Variants in FAF1 observed in about 807,000 individuals in gnomAD.
FAF1 encodes the protein Fas associated factor 1.
Under a neutral mutation model 92.5 loss-of-function variants are expected in FAF1, and 25 were observed. The ratio of observed to expected loss-of-function variants is 0.27; its 90% confidence interval spans 0.20 to 0.38. The LOEUF (loss-of-function observed/expected upper bound fraction) is 0.38. Ranked by LOEUF, FAF1 falls within the 10% of genes least tolerant of loss-of-function variation. The probability of loss-of-function intolerance (pLI) is 1.00; values close to 1 mark genes in which losing one functional copy is unlikely to be tolerated. For missense variants in FAF1, 636 were observed against 793.3 expected, an observed-to-expected ratio of 0.80 and a Z score of 2.38; for synonymous variants, 234 against 273.2, an observed-to-expected ratio of 0.86 and a Z score of 1.42.
chr1:50,499,370 T>G (rs1158519936), intron 15 of FAF1, among the ~76,000 whole-genome samples: 1 of 151,744 alleles, frequency 6.6e-6, no homozygotes, highest in Non-Finnish European at 1.5e-5. Flanking sequence ...AGGGTTTTTT[T>G]TTTTTTTTTT....
At chr1:50,939,419 T>G (rs1375260027) in intron 1 of FAF1, among the ~76,000 whole-genome samples, 1 of 152,234 alleles carries the variant, frequency 6.6e-6, no homozygotes, top group East Asian at 1.9e-4. Flanking sequence ...TGATTTTATA[T>G]CCTGAAACCT....
intron 1 of FAF1, among the ~76,000 whole-genome samples, chr1:50,862,001 G>A (rs1644439008): frequency 6.6e-6 from 1 of 151,516 alleles, no homozygotes; most frequent in Non-Finnish European, 1.5e-5. Context: ...TTGTTATGAT[G>A]GACAAATAGA....
intron 18 of FAF1, among the ~76,000 whole-genome samples, chr1:50,453,310 ATAT>A (rs1416563128): frequency 6.6e-6 from 1 of 152,216 alleles, no homozygotes; most frequent in African/African-American, 2.4e-5. Flanking sequence ...ATGAATTTTA[ATAT>A]CCAAGCAGGG....
intron 7 of FAF1, 148 bp from the exon 8 acceptor site, chr1:50,655,676 T>C: frequency 1.8e-6 from 1 of 542,990 alleles, no homozygotes; most frequent in African/African-American, 2.0e-5. Context: ...AGTCAAAAAA[T>C]TTTGTAAAAA....
intron 5 of FAF1, among the ~76,000 whole-genome samples, chr1:50,741,775 A>C (rs1569866570): frequency 1.3e-5 from 2 of 152,214 alleles, no homozygotes; most frequent in African/African-American, 4.8e-5. Flanking sequence ...CAGTGGCTAT[A>C]ATCATTGTGC....
intron 9 of FAF1, among the ~76,000 whole-genome samples, chr1:50,590,263 G>A (rs1007912652): frequency 5.3e-5 from 8 of 152,114 alleles, no homozygotes; most frequent in South Asian, 2.1e-4. Flanking sequence ...ACAATATTAC[G>A]CCTTCCAACC....
chr1:50,937,347 GA>G (rs1359506018), intron 1 of FAF1, among the ~76,000 whole-genome samples: 1 of 152,068 alleles, frequency 6.6e-6, no homozygotes, highest in East Asian at 1.9e-4. Context: ...GTGGTGGAAA[GA>G]ACTGAAAAAT....
chr1:50,840,631 A>G (rs1436932930), intron 2 of FAF1, among the ~76,000 whole-genome samples: 1 of 152,042 alleles, frequency 6.6e-6, no homozygotes, highest in Non-Finnish European at 1.5e-5. Flanking sequence ...TATAAACACT[A>G]TAACTAATAA....
rs1646699177 is a variant in FAF1, at chr1:50,481,133, A to T, written c.1654-5454T>A. Among the ~76,000 whole-genome samples the T allele has an allele frequency of 2.0e-5, 3 of 152,212 alleles. No individual in the cohort carries two copies. The South Asian group carries it at 6.2e-4, about 32-fold the overall frequency. ...GCTATTACAAAATAATCAGAAAGTT[A>T]AAAAAATTAAGTTTACATAAAGTAA... is the stretch of plus-strand genomic sequence containing the variant. On this transcript the variant is annotated intron_variant, in intron 17 of 18. Coordinates refer to ENST00000396153, the MANE Select transcript of FAF1 (RefSeq NM_007051.3).
chr1:50,877,608 A>T lies in FAF1; in HGVS notation c.46-19611T>A, dbSNP rs1644581534. On this transcript the variant is annotated intron_variant, in intron 1 of 18. Transcript: ENST00000396153. ...TATAAATATGTGATGTTTATAATAA[A>T]TATTTATATTACATATGTAATATAT... 1.3e-5 allele frequency among the ~76,000 whole-genome samples: 2 copies of T among 152,066 alleles called. 1 individual carries two copies. Among genetic ancestry groups the T allele is most frequent in the Non-Finnish European group, 2.9e-5 (2 of 68,012 alleles).
At chr1:50,819,215 A>G (rs935481948) in intron 2 of FAF1, among the ~76,000 whole-genome samples, 1 of 152,140 alleles carries the variant, frequency 6.6e-6, no homozygotes, top group African/African-American at 2.4e-5. Flanking sequence ...TAACCAAAAA[A>G]GAAATTTTCT....
At chr1:50,781,632 T>C (rs1293720892) in intron 4 of FAF1, among the ~76,000 whole-genome samples, 2 of 152,198 alleles carry the variant, frequency 1.3e-5, no homozygotes, top group Admixed American at 1.3e-4. Flanking sequence ...AACTGAGGAC[T>C]TGAACAATGC....
chr1:50,872,062 C>G, intron 1 of FAF1, among the ~76,000 whole-genome samples: 1 of 121,998 alleles, frequency 8.2e-6, no homozygotes, highest in African/African-American at 3.4e-5. Context: ...CAGACTCCAT[C>G]TCAAAAAAAA....
chr1:50,841,478 T>C (rs974505655), intron 2 of FAF1, among the ~76,000 whole-genome samples: 2 of 152,024 alleles, frequency 1.3e-5, no homozygotes, highest in African/African-American at 2.4e-5. Flanking sequence ...AATTTTTCAA[T>C]AATATCCATG....
At chr1:50,648,981 A>G (rs1654724895) in intron 8 of FAF1, among the ~76,000 whole-genome samples, 1 of 152,122 alleles carries the variant, frequency 6.6e-6, no homozygotes, top group African/African-American at 2.4e-5. Context: ...GACAGGTTTC[A>G]ATACGTTGGC....
intron 6 of FAF1, among the ~76,000 whole-genome samples, chr1:50,711,726 A>G (rs1166107228): frequency 6.6e-6 from 1 of 151,986 alleles, no homozygotes; most frequent in African/African-American, 2.4e-5. Context: ...CAGCCTCCCA[A>G]AGTGCTGGGA....
chr1:50,866,261 T>TC (rs988029648), intron 1 of FAF1, among the ~76,000 whole-genome samples: 41 of 151,960 alleles, frequency 2.7e-4, no homozygotes, highest in African/African-American at 9.9e-4. Flanking sequence ...CTGAAAGCAT[T>TC]CCCCCTGAGA....
chr1:50,934,560 A>C (rs1303066035), intron 1 of FAF1, among the ~76,000 whole-genome samples: 1 of 152,088 alleles, frequency 6.6e-6, no homozygotes, highest in Non-Finnish European at 1.5e-5. Flanking sequence ...CCGTCTCTAC[A>C]AAAAAATTAA....
chr1:50,595,630 C>T (rs770835860), intron 9 of FAF1, among the ~76,000 whole-genome samples: 3 of 152,078 alleles, frequency 2.0e-5, no homozygotes, highest in Non-Finnish European at 2.9e-5. Context: ...GCAACCTCTG[C>T]CTGCTGGATT....
Sources: gnomAD v4.1 joint callset for allele counts (sites outside exome capture counted in the v4.1 genomes callset) on GRCh38, gnomAD v4.1.1 for gene constraint, MANE v1.5 for transcripts, NCBI Gene and HGNC (gene_info 2026-07-23, HGNC 2026-07-21) for gene names.